WWOX: variants seen among roughly 807,000 people sequenced by gnomAD.
The protein encoded by WWOX is WW domain containing oxidoreductase.
A neutral mutation model predicts 46.2 loss-of-function variants in WWOX; 69 were observed. That is an observed-to-expected ratio of 1.49 (90% CI 1.23 to 1.82). The LOEUF (loss-of-function observed/expected upper bound fraction) is 1.82, where lower values mean the gene tolerates loss of function less well. Ranked by LOEUF, WWOX falls within the 40% of genes most tolerant of loss-of-function variation. The probability of loss-of-function intolerance (pLI) is 0.00; values close to 1 mark genes in which losing one functional copy is unlikely to be tolerated. For missense variants in WWOX, 919 were observed against 542.6 expected, an observed-to-expected ratio of 1.69 and a Z score of -6.89; for synonymous variants, 359 against 202.6, an observed-to-expected ratio of 1.77 and a Z score of -6.56.
intron 8 of WWOX, among the ~76,000 whole-genome samples, chr16:78,695,655 C>G (rs566020303): frequency 3.7e-4 from 56 of 152,258 alleles, no homozygotes; most frequent in Non-Finnish European, 4.7e-4. Context: ...GGAAATAAAA[C>G]TGTGTATTCC....
chr16:78,312,538 C>A (rs1165313483), intron 5 of WWOX, among the ~76,000 whole-genome samples: 1 of 152,036 alleles, frequency 6.6e-6, no homozygotes, highest in Non-Finnish European at 1.5e-5. Context: ...CCATGCCCAG[C>A]TAACTTTTGA....
Position 78,995,583 on chromosome 16 carries a change from AAAAG to A in WWOX, c.1057-216019_1057-216016del, listed in dbSNP as rs533134448. Among the ~76,000 whole-genome samples, 1,148 of 152,286 alleles carry A rather than the reference AAAAG, an allele frequency of 7.5e-3. 3 individuals carry two copies. Among genetic ancestry groups the A allele is most frequent in the Middle Eastern group, 0.02 (6 of 294 alleles). ...TCTTTATAAAAAAAAAAGAAAAAGA[AAAAG>A]AAAGAGAGAAAGAGAAAAAACTGCA... On this transcript the variant is annotated intron_variant, in intron 8 of 8. Transcript: ENST00000566780.
chr16:78,748,937 A>G, intron 8 of WWOX, among the ~76,000 whole-genome samples: 1 of 152,260 alleles, frequency 6.6e-6, no homozygotes, highest in East Asian at 1.9e-4. Context: ...CAATCAAATA[A>G]TTCATCTTTA....
intron 8 of WWOX, among the ~76,000 whole-genome samples, chr16:78,854,031 A>G (rs2052512319): frequency 6.6e-6 from 1 of 152,182 alleles, no homozygotes; most frequent in Admixed American, 6.5e-5. Flanking sequence ...TTGTACCACC[A>G]CCTGAAGATA....
chr16:79,018,768 G>A (rs146101465), intron 8 of WWOX, among the ~76,000 whole-genome samples: 2 of 152,296 alleles, frequency 1.3e-5, no homozygotes, highest in East Asian at 1.9e-4. Context: ...AAGTGGTTCT[G>A]TGCTAAATAC....
At chr16:78,753,599 C>T (rs532511438) in intron 8 of WWOX, among the ~76,000 whole-genome samples, 8 of 151,238 alleles carry the variant, frequency 5.3e-5, no homozygotes, top group African/African-American at 1.7e-4. Context: ...CAGGAGTTTG[C>T]GACCAGCCTG....
At chr16:78,274,100 A>T (rs2079534734) in intron 5 of WWOX, among the ~76,000 whole-genome samples, 1 of 152,154 alleles carries the variant, frequency 6.6e-6, no homozygotes, top group Admixed American at 6.5e-5. Flanking sequence ...TTCTCCCAGT[A>T]TACCCTATAT....
chr16:78,681,427 T>G (rs187010049), intron 8 of WWOX, among the ~76,000 whole-genome samples: 1 of 151,976 alleles, frequency 6.6e-6, no homozygotes, highest in South Asian at 2.1e-4. Context: ...AAAGGTCAAT[T>G]TTTTTTCCAC....
intron 5 of WWOX, among the ~76,000 whole-genome samples, chr16:78,199,594 C>T (rs996292388): frequency 1.3e-5 from 2 of 152,156 alleles, no homozygotes; most frequent in Non-Finnish European, 2.9e-5. Flanking sequence ...TGTGGCATGC[C>T]ATTCGCTCAC....
At chr16:79,169,801 A>T (rs1475142773) in intron 8 of WWOX, among the ~76,000 whole-genome samples, 4 of 152,102 alleles carry the variant, frequency 2.6e-5, no homozygotes, top group African/African-American at 4.8e-5. Context: ...TCCTCCCCAG[A>T]CGTTTTTCCT....
intron 8 of WWOX, among the ~76,000 whole-genome samples, chr16:79,172,744 G>A (rs1452551542): frequency 6.6e-6 from 1 of 152,058 alleles, no homozygotes; most frequent in East Asian, 1.9e-4. Flanking sequence ...ATGCCTTCAC[G>A]GCCAGTTATG....
At chr16:78,948,549 A>C (rs546512792) in intron 8 of WWOX, among the ~76,000 whole-genome samples, 1 of 152,184 alleles carries the variant, frequency 6.6e-6, no homozygotes, top group South Asian at 2.1e-4. Flanking sequence ...GTAGGTGCCC[A>C]TGACAGCTCT....
chr16:78,844,783 T>A (rs570454921), intron 8 of WWOX, among the ~76,000 whole-genome samples: 1 of 152,368 alleles, frequency 6.6e-6, no homozygotes, highest in African/African-American at 2.4e-5. Context: ...TGTATATTTA[T>A]GTATCCCCGG....
chr16:78,936,358 C>A (rs1023820479), intron 8 of WWOX, among the ~76,000 whole-genome samples: 4 of 152,118 alleles, frequency 2.6e-5, no homozygotes, highest in African/African-American at 9.7e-5. Context: ...GACTCTGAAC[C>A]TTTTGAAGAC....
At chr16:78,210,076 T>C (rs1374357252) in intron 5 of WWOX, among the ~76,000 whole-genome samples, 1 of 151,762 alleles carries the variant, frequency 6.6e-6, no homozygotes, top group East Asian at 1.9e-4. Flanking sequence ...GTTGGAAAAA[T>C]GACGTGTGAG....
At chr16:78,657,687 G>A (rs766468225) in intron 8 of WWOX, among the ~76,000 whole-genome samples, 12 of 152,114 alleles carry the variant, frequency 7.9e-5, no homozygotes, top group Non-Finnish European at 1.2e-4. Flanking sequence ...GATTCTCAGT[G>A]GACAAGAGGT....
intron 8 of WWOX, among the ~76,000 whole-genome samples, chr16:78,854,975 C>G (rs78882345): frequency 0.04 from 6,019 of 149,398 alleles, 153 homozygotes; most frequent in Non-Finnish European, 0.058. Flanking sequence ...GAAGTAATGG[C>G]TTCTCAAATT....
chr16:78,365,904 T>A (rs4888790), intron 5 of WWOX, among the ~76,000 whole-genome samples: 1 of 151,962 alleles, frequency 6.6e-6, no homozygotes, highest in Non-Finnish European at 1.5e-5. Flanking sequence ...ATTGTTGTTT[T>A]GGTTTGGGTT....
At chr16:78,635,806 G>C (rs2738580) in intron 8 of WWOX, among the ~76,000 whole-genome samples, 1 of 152,172 alleles carries the variant, frequency 6.6e-6, no homozygotes, top group African/African-American at 2.4e-5. Flanking sequence ...ACAGCTAGTG[G>C]AAGGCGTGCC....
Sources: allele counts gnomAD v4.1 joint callset (sites outside exome capture counted in the v4.1 genomes callset), GRCh38; gene constraint gnomAD v4.1.1; transcripts MANE v1.5; gene names NCBI Gene and HGNC (gene_info 2026-07-23, HGNC 2026-07-21).